The following PCDHA11 variants were observed in gnomAD, a reference collection of about 807,000 sequenced individuals.
PCDHA11 encodes protocadherin alpha-11.
In PCDHA11, 61 loss-of-function variants were observed where a neutral mutation model predicts 70.3. That is an observed-to-expected ratio of 0.87 (90% CI 0.71 to 1.07). The LOEUF (loss-of-function observed/expected upper bound fraction) is 1.07, where lower values mean the gene tolerates loss of function less well. Ranked by LOEUF, PCDHA11 falls within the 50% of genes least tolerant of loss-of-function variation. PCDHA11 has a pLI of 0.00. For synonymous variants in PCDHA11, 633 were observed against 555.1 expected (o/e 1.14, Z -1.97); for missense variants, 1,324 against 1,237.5 (o/e 1.07, Z -1.05).
intron 1 of PCDHA11, among the ~76,000 whole-genome samples, chr5:140,902,203 C>CTT (rs148688132): frequency 1.7e-4 from 21 of 124,438 alleles, no homozygotes; most frequent in East Asian, 4.4e-4. Context: ...CTCTCTCTTT[C>CTT]TTTTTTTTTT....
intron 1 of PCDHA11, chr5:140,928,471 G>A: frequency 6.2e-7 from 1 of 1,614,148 alleles, no homozygotes; most frequent in South Asian, 1.1e-5. Context: ...CCAAGTAGAA[G>A]GCCGGGATGG....
At chr5:140,997,670 G>A (rs1587757819) in intron 3 of PCDHA11, among the ~76,000 whole-genome samples, 1 of 79,680 alleles carries the variant, frequency 1.3e-5, no homozygotes, top group Non-Finnish European at 2.9e-5. Flanking sequence ...TATACAGCTT[G>A]TGTGTGTGTG....
chr5:140,915,205 C>G (rs1554196797), intron 1 of PCDHA11, among the ~76,000 whole-genome samples: 1 of 152,076 alleles, frequency 6.6e-6, no homozygotes, highest in Non-Finnish European at 1.5e-5. Flanking sequence ...TCTTGGCCTC[C>G]CAAAGTGCTG....
At chr5:140,929,189 A>G (rs782622519) in intron 1 of PCDHA11, 62 of 1,614,180 alleles carry the variant, frequency 3.8e-5, no homozygotes, top group Non-Finnish European at 4.7e-5. Flanking sequence ...GGTTCTGATA[A>G]TAACAGTTTG....
At chr5:140,930,962 T>A (rs1193722929) in intron 1 of PCDHA11, among the ~76,000 whole-genome samples, 2 of 152,184 alleles carry the variant, frequency 1.3e-5, no homozygotes, top group African/African-American at 4.8e-5. Flanking sequence ...AAATGTACTG[T>A]TTCAATGATT....
intron 1 of PCDHA11, chr5:140,877,800 T>C (rs2057344527): frequency 6.2e-7 from 1 of 1,613,404 alleles, no homozygotes; most frequent in Non-Finnish European, 8.5e-7. Context: ...GCCCAAGCCT[T>C]CAGCTGTCTC....
chr5:141,002,689 T>C (rs2098092113), intron 3 of PCDHA11, among the ~76,000 whole-genome samples: 1 of 152,186 alleles, frequency 6.6e-6, no homozygotes, highest in African/African-American at 2.4e-5. Context: ...GACGTGCAGA[T>C]TTGTTTAACT....
At chr5:140,992,533 C>T (rs1292844643) in intron 3 of PCDHA11, among the ~76,000 whole-genome samples, 1 of 152,188 alleles carries the variant, frequency 6.6e-6, no homozygotes, top group Non-Finnish European at 1.5e-5. Context: ...GGAAAAGTCA[C>T]TGTCACAAGT....
At chr5:140,968,508 A>T in intron 1 of PCDHA11, 1 of 1,614,068 alleles carries the variant, frequency 6.2e-7, no homozygotes. Flanking sequence ...CACATTCTGT[A>T]CCCTACCTCA....
intron 1 of PCDHA11, among the ~76,000 whole-genome samples, chr5:140,953,847 A>G (rs1165540937): frequency 6.6e-6 from 1 of 152,200 alleles, no homozygotes. Flanking sequence ...CCAGGTAAAC[A>G]TGTGCCATGG....
chr5:140,925,282 T>C (rs1371569064), intron 1 of PCDHA11, among the ~76,000 whole-genome samples: 1 of 152,184 alleles, frequency 6.6e-6, no homozygotes, highest in Admixed American at 6.5e-5. Context: ...GATTTTGCCT[T>C]TCAAATGTTT....
chr5:140,926,798 C>T (rs1584463033), intron 1 of PCDHA11: 2 of 1,455,342 alleles, frequency 1.4e-6, no homozygotes, highest in East Asian at 2.5e-5. Context: ...GGAGCGTGCT[C>T]TTCCCCGCGG....
intron 2 of PCDHA11, among the ~76,000 whole-genome samples, chr5:140,981,928 T>A (rs141616160): frequency 6.6e-6 from 1 of 152,202 alleles, no homozygotes; most frequent in African/African-American, 2.4e-5. Context: ...GTTTCTCTAG[T>A]CTCAGGAAAT....
At chr5:140,997,978 C>T (rs1205743045) in intron 3 of PCDHA11, among the ~76,000 whole-genome samples, 2 of 152,182 alleles carry the variant, frequency 1.3e-5, no homozygotes, top group African/African-American at 2.4e-5. Context: ...TTGGACTGCA[C>T]TTGTTACATA....
intron 3 of PCDHA11, among the ~76,000 whole-genome samples, chr5:140,983,792 ATG>A (rs1384223147): frequency 6.6e-6 from 1 of 152,212 alleles, no homozygotes; most frequent in Non-Finnish European, 1.5e-5. Context: ...AGATGACAGA[ATG>A]TGTGTGTAAA....
chr5:140,875,134 T>G (rs2055288976), intron 1 of PCDHA11, among the ~76,000 whole-genome samples: 1 of 152,238 alleles, frequency 6.6e-6, no homozygotes, highest in Admixed American at 6.5e-5. Flanking sequence ...TAAACCCGCA[T>G]TTATAAATGA....
intron 1 of PCDHA11, among the ~76,000 whole-genome samples, chr5:140,903,429 G>A (rs782504374): frequency 1.3e-5 from 2 of 152,180 alleles, no homozygotes; most frequent in Non-Finnish European, 2.9e-5. Context: ...AGCACAATAT[G>A]TATCAGTGGA....
chr5:140,883,227 T>C (rs1367769120), intron 1 of PCDHA11: 2 of 1,613,830 alleles, frequency 1.2e-6, no homozygotes, highest in African/African-American at 2.7e-5. Flanking sequence ...GAAATATCCG[T>C]GGAGGCAGTT....
At chr5:140,907,720 C>T (rs1554193113) in intron 1 of PCDHA11, among the ~76,000 whole-genome samples, 1 of 152,208 alleles carries the variant, frequency 6.6e-6, no homozygotes, top group Non-Finnish European at 1.5e-5. Context: ...CATGTGTAAC[C>T]TCCATCCCTG....
Sources: gnomAD v4.1 joint callset for allele counts (sites outside exome capture counted in the v4.1 genomes callset) on GRCh38, gnomAD v4.1.1 for gene constraint, MANE v1.5 for transcripts, NCBI Gene and HGNC (gene_info 2026-07-23, HGNC 2026-07-21) for gene names.